Variants in SPACA7 observed in about 807,000 individuals in gnomAD.
The protein encoded by SPACA7 is sperm acrosome associated 7.
Under a neutral mutation model 26.3 loss-of-function variants are expected in SPACA7, and 19 were observed. That is an observed-to-expected ratio of 0.72 (90% confidence interval 0.50 to 1.06). The LOEUF (loss-of-function observed/expected upper bound fraction) is 1.06. SPACA7 is among the 50% of genes least tolerant of loss of function. The probability of loss-of-function intolerance (pLI) is 0.00; values close to 1 mark genes in which losing one functional copy is unlikely to be tolerated. For synonymous variants in SPACA7, 84 were observed against 84.5 expected (o/e 0.99, Z 0.04); for missense variants, 211 against 229.9 (o/e 0.92, Z 0.53).
chr13:112,413,274 G>A (rs1886468089), intron 5 of SPACA7, among the ~76,000 whole-genome samples: 2 of 152,134 alleles, frequency 1.3e-5, no homozygotes, highest in South Asian at 4.2e-4. Context: ...TGGTGGATGT[G>A]AATTCTCTCG....
chr13:112,386,234 G>A (rs1884518267), intron 1 of SPACA7, among the ~76,000 whole-genome samples: 1 of 152,194 alleles, frequency 6.6e-6, no homozygotes, highest in Non-Finnish European at 1.5e-5. Context: ...AGATGCCCAA[G>A]AGCATGCATC....
chr13:112,395,298 G>T lies in SPACA7; in HGVS notation c.151+2221G>T, dbSNP rs574734168. On this transcript the variant is annotated intron_variant, in intron 2 of 6. Coordinates refer to ENST00000283550, the MANE Select transcript of SPACA7 (RefSeq NM_145248.5). ...GAATTGGAAGCGAGGACAAAAGCCA[G>T]AGGAGCTGTCGATGATGGATGCATT... Among the ~76,000 whole-genome samples the T allele has an allele frequency of 3.9e-5, 6 of 152,346 alleles. No homozygotes were observed. The South Asian group carries it at 1.2e-3, about 32-fold the overall frequency.
At chr13:112,427,998 C>T (rs1218101610) in intron 5 of SPACA7, among the ~76,000 whole-genome samples, 1 of 152,020 alleles carries the variant, frequency 6.6e-6, no homozygotes, top group Non-Finnish European at 1.5e-5. Context: ...TTTCATTTTC[C>T]TCTATTTTGT....
chr13:112,403,073 C>CT (rs1885750427), intron 5 of SPACA7, among the ~76,000 whole-genome samples: 1 of 151,878 alleles, frequency 6.6e-6, no homozygotes, highest in South Asian at 2.1e-4. Context: ...AGCATTTTGT[C>CT]TTTTAAAATT....
At chr13:112,411,521 C>A (rs1197442063) in intron 5 of SPACA7, among the ~76,000 whole-genome samples, 1 of 152,106 alleles carries the variant, frequency 6.6e-6, no homozygotes, top group Non-Finnish European at 1.5e-5. Flanking sequence ...ACCGTGCTGC[C>A]AAATGCTAGA....
At chr13:112,382,590 C>T in intron 1 of SPACA7, 3 of 1,476,158 alleles carry the variant, frequency 2.0e-6, no homozygotes, top group Non-Finnish European at 2.7e-6. Flanking sequence ...GTGGTAAAAA[C>T]ATTATTACCT....
chr13:112,416,230 G>T (rs1332976971), intron 5 of SPACA7, among the ~76,000 whole-genome samples: 1 of 152,022 alleles, frequency 6.6e-6, no homozygotes, highest in Non-Finnish European at 1.5e-5. Flanking sequence ...TCAATCACTG[G>T]AGGGTAATAT....
At chr13:112,382,574 G>A (rs936719628) in intron 1 of SPACA7, 1 of 1,522,932 alleles carries the variant, frequency 6.6e-7, no homozygotes, top group Non-Finnish European at 8.8e-7. Flanking sequence ...GGCTTCCAAG[G>A]CTTGTGTGGT....
intron 5 of SPACA7, among the ~76,000 whole-genome samples, chr13:112,424,777 G>C (rs1876360620): frequency 6.6e-6 from 1 of 152,106 alleles, no homozygotes; most frequent in South Asian, 2.1e-4. Flanking sequence ...AAGAGGCAGG[G>C]CCGGTGGCAT....
At chr13:112,387,465 T>C (rs939075535) in intron 1 of SPACA7, among the ~76,000 whole-genome samples, 32 of 152,292 alleles carry the variant, frequency 2.1e-4, no homozygotes, top group African/African-American at 7.2e-4. Context: ...AAAGACAAAT[T>C]CTTAGCACAA....
chr13:112,393,219 T>C (rs1366994672), intron 2 of SPACA7, 142 bp downstream of exon 2: 1 of 588,392 alleles, frequency 1.7e-6, no homozygotes, highest in Non-Finnish European at 3.0e-6. Flanking sequence ...CATATACCAA[T>C]GGCCCATAGC....
At position 112,417,483 on chromosome 13, in the gene SPACA7, C is replaced by T. The variant is rs528202003; in HGVS notation, c.446-14961C>T. Among the ~76,000 whole-genome samples, 4 of 152,172 alleles carry T rather than the reference C, an allele frequency of 2.6e-5. No homozygotes were observed. The South Asian group carries it at 8.3e-4, about 32-fold the overall frequency. On this transcript the variant is annotated intron_variant, in intron 5 of 6. Coordinates refer to ENST00000283550, the MANE Select transcript of SPACA7 (RefSeq NM_145248.5). ...GATATAAGAAAAATAAGTGTATCCT[C>T]TGATATTTTTGGTTCTTTTTAATCT...
intron 5 of SPACA7, among the ~76,000 whole-genome samples, chr13:112,415,994 C>T (rs1886667306): frequency 6.6e-6 from 1 of 152,030 alleles, no homozygotes; most frequent in Non-Finnish European, 1.5e-5. Context: ...CCCACACTCA[C>T]TTCCCTCCCT....
chr13:112,421,236 A>C (rs2139045482), intron 5 of SPACA7, among the ~76,000 whole-genome samples: 1 of 151,956 alleles, frequency 6.6e-6, no homozygotes, highest in South Asian at 2.1e-4. Context: ...AAAAAAAAAA[A>C]AAAAAAAGTA....
intron 2 of SPACA7, among the ~76,000 whole-genome samples, chr13:112,393,658 T>C (rs1885044694): frequency 6.6e-6 from 1 of 152,286 alleles, no homozygotes; most frequent in Non-Finnish European, 1.5e-5. Flanking sequence ...TGAGAACCGC[T>C]GCCCTGGGCC....
At chr13:112,390,896 A>T (rs1884844624) in intron 1 of SPACA7, among the ~76,000 whole-genome samples, 1 of 152,204 alleles carries the variant, frequency 6.6e-6, no homozygotes, top group African/African-American at 2.4e-5. Context: ...GAAGCAGAAG[A>T]CAGGAAACCC....
chr13:112,409,403 G>A (rs1886201210), intron 5 of SPACA7, among the ~76,000 whole-genome samples: 1 of 152,070 alleles, frequency 6.6e-6, no homozygotes, highest in South Asian at 2.1e-4. Flanking sequence ...CACAGCAAAA[G>A]AAACTACCAT....
chr13:112,382,420 G>A lies in SPACA7; in HGVS notation c.94+5941G>A, dbSNP rs140989063. Reference sequence around the variant, plus strand: ...GCCAATAACACCTTAATCTTCAGGTGCAGGCTGTGAAGATGGGAAAAGGCT... The same window carrying A: ...GCCAATAACACCTTAATCTTCAGGTACAGGCTGTGAAGATGGGAAAAGGCT... On this transcript the variant is annotated intron_variant, in intron 1 of 6. Transcript: ENST00000283550. 103 of 1,548,560 alleles carry A rather than the reference G, an allele frequency of 6.7e-5. No individual in the cohort carries two copies. The East Asian group carries it at 2.2e-3, about 33-fold the overall frequency.
At chr13:112,391,823 A>G (rs1413104785) in intron 1 of SPACA7, among the ~76,000 whole-genome samples, 1 of 152,224 alleles carries the variant, frequency 6.6e-6, no homozygotes, top group Admixed American at 6.5e-5. Flanking sequence ...ATGATCATTA[A>G]TGTCTCATCC....
Sources: gnomAD v4.1 joint callset for allele counts (sites outside exome capture counted in the v4.1 genomes callset) on GRCh38, gnomAD v4.1.1 for gene constraint, MANE v1.5 for transcripts, NCBI Gene and HGNC (gene_info 2026-07-23, HGNC 2026-07-21) for gene names.